The following ZBTB46 variants were observed in gnomAD, a reference collection of about 807,000 sequenced individuals.
The protein encoded by ZBTB46 is zinc finger and BTB domain containing 46, also known as zinc finger and BTB domain-containing protein 46.
ZBTB46 carries 8 observed loss-of-function variants against 44.1 expected under a neutral mutation model. The observed-to-expected ratio is 0.18, with a 90% CI of 0.11 to 0.33. The LOEUF (loss-of-function observed/expected upper bound fraction) is 0.33, where lower values mean the gene tolerates loss of function less well. Ranked by LOEUF, ZBTB46 falls within the 10% of genes least tolerant of loss-of-function variation. The pLI, the probability that ZBTB46 is intolerant of heterozygous loss-of-function variation, is 1.00. For synonymous variants in ZBTB46, 409 were observed against 382.3 expected (o/e 1.07, Z -0.81); for missense variants, 651 against 847.7 (o/e 0.77, Z 2.88).
intron 3 of ZBTB46, among the ~76,000 whole-genome samples, chr20:63,762,632 CAACAGTGAGACTTCTCTCAAAA>C: frequency 6.6e-6 from 1 of 150,748 alleles, no homozygotes; most frequent in Non-Finnish European, 1.5e-5. Flanking sequence ...CCAGCCTGGG[CAACAGTGAGACTTCTCTCAAAA>C]AACAAACAAA....
In ZBTB46 at chr20:63,752,775, T is replaced by C; in HGVS notation, c.1309A>G (p.Met437Val). 1 of 1,613,050 alleles carries C rather than the reference T, an allele frequency of 6.2e-7. No individual in the cohort carries two copies. Among genetic ancestry groups the C allele is most frequent in the African/African-American group, 1.3e-5 (1 of 75,050 alleles). The change falls in exon 4 of 5, where the codon ATG (methionine) becomes GTG (valine). Residue 437 changes from methionine to valine, a missense_variant. Met to Val is a conservative substitution (Grantham distance 21, BLOSUM62 1). Coordinates refer to ENST00000245663, the MANE Select transcript of ZBTB46 (RefSeq NM_001369741.1). This position sits in a 1 kb window ranked among gnomAD's most constrained non-coding sequence, Gnocchi z 5.6. ...GGCCGCTCTCCCGTGTGCGAGCGCA[T>C]GTGTCGCTTGAGGATGCACTGGTGC... The part of the protein sequence containing the change: ...AMHQCILKRH[M>V]RSHTGERPYP...
chr20:63,802,291 C>T (rs534783099), intron 1 of ZBTB46, among the ~76,000 whole-genome samples: 9 of 152,064 alleles, frequency 5.9e-5, no homozygotes, highest in African/African-American at 1.4e-4. Flanking sequence ...GGTGTGGTGG[C>T]GCACGTCTGT....
intron 3 of ZBTB46, among the ~76,000 whole-genome samples, chr20:63,771,280 G>C: frequency 6.6e-6 from 1 of 152,152 alleles, no homozygotes; most frequent in East Asian, 1.9e-4. Flanking sequence ...ATGGCGGGGG[G>C]GCTACGCCAC....
chr20:63,756,017 G>A (rs1242134179), intron 3 of ZBTB46, among the ~76,000 whole-genome samples: 4 of 152,156 alleles, frequency 2.6e-5, no homozygotes, highest in Non-Finnish European at 5.9e-5. Flanking sequence ...AGCGACATCC[G>A]GCTGCGACTG....
At chr20:63,764,423 G>A (rs1259247487) in intron 3 of ZBTB46, among the ~76,000 whole-genome samples, 1 of 151,402 alleles carries the variant, frequency 6.6e-6, no homozygotes, top group East Asian at 2.0e-4. Flanking sequence ...GTGACTGAGC[G>A]AGGCCCTGTC....
At chr20:63,785,489 A>T (rs2092507419) in intron 2 of ZBTB46, among the ~76,000 whole-genome samples, 1 of 151,476 alleles carries the variant, frequency 6.6e-6, no homozygotes. Flanking sequence ...GAACCCAGGA[A>T]GCGGAGGCTG....
chr20:63,798,743 C>T (rs2092622492), intron 1 of ZBTB46, among the ~76,000 whole-genome samples: 1 of 142,518 alleles, frequency 7.0e-6, no homozygotes, highest in South Asian at 2.2e-4. Flanking sequence ...ACTAAGGAGG[C>T]TGAGGTGGGA....
rs142845426 is a variant in ZBTB46, at chr20:63,806,984, G to A, written c.-33-16194C>T. Among the ~76,000 whole-genome samples the A allele has an allele frequency of 3.2e-3, 489 of 152,086 alleles. 2 individuals carry two copies. The highest frequency in any genetic ancestry group is 0.011 in the African/African-American group (445 of 41,492). ...TTTTTAGTAGAGACGGGGTTTCACCGTGTTAGCCAGGATAGTCGCGATCTC... is the reference window on the plus strand; with the variant it reads ...TTTTTAGTAGAGACGGGGTTTCACCATGTTAGCCAGGATAGTCGCGATCTC... On this transcript the variant is annotated intron_variant, in intron 1 of 4. Coordinates refer to ENST00000245663, the MANE Select transcript of ZBTB46 (RefSeq NM_001369741.1).
intron 1 of ZBTB46, among the ~76,000 whole-genome samples, chr20:63,805,877 A>G (rs2092678156): frequency 6.6e-6 from 1 of 151,488 alleles, no homozygotes; most frequent in African/African-American, 2.4e-5. Flanking sequence ...GGTTCAAGTG[A>G]TTCTCGTGCC....
intron 1 of ZBTB46, among the ~76,000 whole-genome samples, chr20:63,819,602 AAC>A (rs1330178812): frequency 6.6e-6 from 1 of 152,192 alleles, no homozygotes; most frequent in Non-Finnish European, 1.5e-5. Flanking sequence ...CAAAAACAGC[AAC>A]AGTGTCCCAG....
chr20:63,804,307 A>AG (rs1176261949), intron 1 of ZBTB46, among the ~76,000 whole-genome samples: 2 of 152,076 alleles, frequency 1.3e-5, no homozygotes. Context: ...GGCACCCAGG[A>AG]GGGGGCCGGG....
chr20:63,798,028 T>C (rs568247382), intron 1 of ZBTB46, among the ~76,000 whole-genome samples: 1 of 152,254 alleles, frequency 6.6e-6, no homozygotes, highest in Non-Finnish European at 1.5e-5. Context: ...ATTTTGGCTT[T>C]TGTTGCCATT....
intron 2 of ZBTB46, among the ~76,000 whole-genome samples, chr20:63,786,888 T>A (rs1009591344): frequency 1.3e-5 from 2 of 152,156 alleles, no homozygotes; most frequent in African/African-American, 4.8e-5. Context: ...CAAGGGATCC[T>A]CATGCCTCGG....
intron 3 of ZBTB46, among the ~76,000 whole-genome samples, chr20:63,773,922 A>G (rs2092397822): frequency 6.6e-6 from 1 of 152,112 alleles, no homozygotes; most frequent in South Asian, 2.1e-4. Context: ...TGACAAGTAC[A>G]CTTTTGCATT....
At chr20:63,816,117 C>G (rs1342612604) in intron 1 of ZBTB46, among the ~76,000 whole-genome samples, 4 of 128,270 alleles carry the variant, frequency 3.1e-5, no homozygotes, top group Non-Finnish European at 5.0e-5. Context: ...GTGCAGTGGG[C>G]GCAGGTGGGC....
chr20:63,775,807 T>C lies in ZBTB46; in HGVS notation c.1093A>G (p.Thr365Ala). ...PEKDDALHQA[T>A]AVANLRAALM... is the part of the protein sequence containing the mutation. ...GCCGCGCGCAGGTTGGCCACCGCGG[T>C]GGCCTGATGCAGGGCGTCGTCCTTC... The change falls in exon 3 of 5, where the codon ACC becomes GCC. Residue 365 changes from threonine (T) to alanine (A), a missense_variant. Physicochemically the swap from Thr to Ala is moderately conservative, Grantham distance 58. Transcript: ENST00000245663. 1.9e-6 allele frequency: 3 copies of C among 1,613,250 alleles called. No homozygotes were observed. Among genetic ancestry groups the C allele is most frequent in the Non-Finnish European group, 2.5e-6 (3 of 1,179,942 alleles).
At chr20:63,804,335 C>G (rs753102967) in intron 1 of ZBTB46, among the ~76,000 whole-genome samples, 1 of 152,192 alleles carries the variant, frequency 6.6e-6, no homozygotes, top group Non-Finnish European at 1.5e-5. Context: ...AGCTCCTAGT[C>G]TGTCATTTGG....
chr20:63,744,450 T>C lies in ZBTB46; in HGVS notation c.*2480A>G. The C allele has an allele frequency of 6.6e-6, 1 of 152,320 alleles. No homozygotes were observed. The highest frequency in any genetic ancestry group is 1.5e-5 in the Non-Finnish European group (1 of 68,068). The allele number at this position is 152,320 out of a possible 1,614,324, so 9.4% of individuals were successfully genotyped here. A position where few individuals can be genotyped will look rare whatever the true frequency, so the allele number is the denominator to read the frequency against. On this transcript the variant is annotated 3_prime_UTR_variant, in exon 5 of 5. Coordinates refer to ENST00000245663, the MANE Select transcript of ZBTB46 (RefSeq NM_001369741.1). ...TCCCCAATGGACTGTATTTCCCACT[T>C]TGGTGTTGTAAACACCAAAATACAA...
At position 63,752,623 on chromosome 20, in the gene ZBTB46, C is replaced by T. The variant is rs916359417; in HGVS notation, c.1398+63G>A. The T allele has an allele frequency of 2.6e-5, 38 of 1,446,088 alleles. No individual in the cohort carries two copies. In the African/African-American group the frequency reaches 5.3e-4, roughly 20 times the overall value. 89.6% of individuals were successfully genotyped at this position (1,446,088 alleles called of 1,614,324 possible). On this transcript the variant is annotated intron_variant, in intron 4 of 4. Coordinates refer to ENST00000245663, the MANE Select transcript of ZBTB46 (RefSeq NM_001369741.1). The surrounding 1 kb of genome is among the most constrained non-coding windows in gnomAD (Gnocchi z 5.6). ...GGGGCGGTCTGCGCCCTCATCAGGACCCGCCTGCCCGGACATCGTGGCCAC... is the reference window on the plus strand; with the variant it reads ...GGGGCGGTCTGCGCCCTCATCAGGATCCGCCTGCCCGGACATCGTGGCCAC...
Sources: allele counts gnomAD v4.1 joint callset (sites outside exome capture counted in the v4.1 genomes callset), GRCh38; gene constraint gnomAD v4.1.1; non-coding constraint Gnocchi (gnomAD v3.1); transcripts MANE v1.5; gene names NCBI Gene and HGNC (gene_info 2026-07-23, HGNC 2026-07-21).